The following PCDHA3 variants were observed in gnomAD, a reference collection of about 807,000 sequenced individuals.
The protein encoded by PCDHA3 is protocadherin alpha-3.
Under a neutral mutation model 62.2 loss-of-function variants are expected in PCDHA3, and 41 were observed. The ratio of observed to expected loss-of-function variants is 0.66; its 90% CI spans 0.51 to 0.86. The LOEUF is 0.86. PCDHA3 is among the 40% of genes least tolerant of loss of function. The probability of loss-of-function intolerance (pLI) is 0.00; values close to 1 mark genes in which losing one functional copy is unlikely to be tolerated. For missense variants in PCDHA3, 1,304 were observed against 1,241.2 expected (o/e 1.05, Z -0.76); for synonymous variants, 640 against 555.4 (o/e 1.15, Z -2.14).
chr5:140,910,976 A>G (rs1265082758), intron 1 of PCDHA3, among the ~76,000 whole-genome samples: 1 of 152,058 alleles, frequency 6.6e-6, no homozygotes, highest in Non-Finnish European at 1.5e-5. Context: ...CTCATGGGTT[A>G]TACTCTGAAC....
rs2150160577 is a variant in PCDHA3, at chr5:140,828,908, G to A, written c.2394+25317G>A. On this transcript the variant is annotated intron_variant, in intron 1 of 3. Coordinates refer to ENST00000522353, the MANE Select transcript of PCDHA3 (RefSeq NM_018906.3). Reference sequence around the variant, plus strand: ...GAATGCTTCTGATCGGGATGAAGGAGCGAATGGGGCAATTTCATATTCTTT... The same window carrying A: ...GAATGCTTCTGATCGGGATGAAGGAACGAATGGGGCAATTTCATATTCTTT... The A allele has an allele frequency of 4.2e-5, 67 of 1,614,134 alleles. 1 individual carries two copies. The South Asian group carries it at 6.7e-4, about 16-fold the overall frequency.
intron 1 of PCDHA3, among the ~76,000 whole-genome samples, chr5:140,964,846 C>G (rs1292135709): frequency 2.0e-5 from 3 of 152,180 alleles, no homozygotes; most frequent in Non-Finnish European, 2.9e-5. Context: ...TACTCTGTAC[C>G]CTTGAGGAAA....
chr5:140,969,642 A>G (rs2096350693), intron 1 of PCDHA3: 1 of 206,874 alleles, frequency 4.8e-6, no homozygotes, highest in African/African-American at 2.4e-5. Context: ...GCCTTGGAAT[A>G]GGGATTATGT....
At chr5:140,855,952 A>AT in intron 1 of PCDHA3, 1 of 1,380,786 alleles carries the variant, frequency 7.2e-7, no homozygotes, top group South Asian at 1.4e-5. Flanking sequence ...AGCCATTTCG[A>AT]TAAAAAATAG....
At chr5:141,000,643 G>A (rs2097954450) in intron 3 of PCDHA3, among the ~76,000 whole-genome samples, 1 of 151,102 alleles carries the variant, frequency 6.6e-6, no homozygotes, top group Non-Finnish European at 1.5e-5. Context: ...GGGCAGGCTG[G>A]TCTCGAACTC....
At chr5:140,813,586 T>C (rs191495535) in intron 1 of PCDHA3, 62 of 152,362 alleles carry the variant, frequency 4.1e-4, no homozygotes, top group African/African-American at 1.1e-3. Flanking sequence ...TGGAAATTTA[T>C]CTGCATGAGT....
chr5:140,851,715 G>C, intron 1 of PCDHA3: 1 of 964,012 alleles, frequency 1.0e-6, no homozygotes, highest in Non-Finnish European at 1.3e-6. Context: ...GTGAAGATTC[G>C]AAACTTCGAG....
Position 140,982,534 on chromosome 5 carries a change from A to G in PCDHA3, c.2513A>G (p.Gln838Arg), listed in dbSNP as rs1554244431. Residue 838 changes from glutamine (Q) to arginine (R), a missense_variant, in exon 3 of 4, where the codon CAG becomes CGG. By Grantham distance (43) the Gln-to-Arg change is conservative. Transcript: ENST00000522353. ...GCTGGTCCAGGAGGGCCTGATCAGC[A>G]GTGGCCAACAGTATCCAGTGCAACA... ...LRAGPGGPDQ[Q>R]WPTVSSATPE... 1 of 1,614,222 alleles carries G rather than the reference A, an allele frequency of 6.2e-7. No homozygotes were observed. Among genetic ancestry groups the G allele is most frequent in the Non-Finnish European group, 8.5e-7 (1 of 1,180,036 alleles).
At position 140,876,890 on chromosome 5, in the gene PCDHA3, A is replaced by G. The variant is rs373414098; in HGVS notation, c.2394+73299A>G. On this transcript the variant is annotated intron_variant, in intron 1 of 3. Coordinates refer to ENST00000522353, the MANE Select transcript of PCDHA3 (RefSeq NM_018906.3). ...AAGGAGAACAACCCGCCGGGCTGCC[A>G]CATCTTCACGGTGTCGGCATGGGAC... The G allele has an allele frequency of 4.0e-5, 65 of 1,613,968 alleles. No individual in the cohort carries two copies. In the African/African-American group the frequency reaches 8.1e-4, roughly 20 times the overall value.
At chr5:140,864,854 A>T (rs1554159169) in intron 1 of PCDHA3, 1 of 152,178 alleles carries the variant, frequency 6.6e-6, no homozygotes, top group Non-Finnish European at 1.5e-5. Context: ...CCCATACATG[A>T]TGAAGGGTGA....
chr5:140,802,323 G>C lies in PCDHA3; in HGVS notation c.1126G>C (p.Asp376His). The C allele has an allele frequency of 1.9e-6, 3 of 1,614,220 alleles. No homozygotes were observed. Among genetic ancestry groups the C allele is most frequent in the Non-Finnish European group, 2.5e-6 (3 of 1,180,046 alleles). Residue 376 changes from aspartate to histidine, a missense_variant, in exon 1 of 4, where the codon GAC becomes CAC. By Grantham distance (81) the Asp-to-His change is moderately conservative. Transcript: ENST00000522353. The stretch of plus-strand genomic sequence containing the variant: ...AGTCATCGCTCTGATCAGCGTGTCC[G>C]ACCGCGACTCAGGAGTCAATGGACA... Reference protein sequence around the residue: ...STVIALISVSDRDSGVNGQVT... With the variant: ...STVIALISVSHRDSGVNGQVT...
At chr5:140,996,699 C>T (rs1462785057) in intron 3 of PCDHA3, among the ~76,000 whole-genome samples, 3 of 152,146 alleles carry the variant, frequency 2.0e-5, no homozygotes, top group Non-Finnish European at 2.9e-5. Flanking sequence ...TTCTGAACCT[C>T]TATCTCTTTG....
intron 1 of PCDHA3, among the ~76,000 whole-genome samples, chr5:140,922,915 A>G (rs1184691604): frequency 6.6e-6 from 1 of 152,224 alleles, no homozygotes; most frequent in Non-Finnish European, 1.5e-5. Context: ...ATACAAATAA[A>G]CTTCAGACTT....
At chr5:140,979,571 G>A (rs2096856939) in intron 2 of PCDHA3, among the ~76,000 whole-genome samples, 1 of 152,154 alleles carries the variant, frequency 6.6e-6, no homozygotes. Flanking sequence ...GCCATGTAAA[G>A]GGCTCCAAAT....
intron 1 of PCDHA3, chr5:140,869,908 CGAGACGAAG>C: frequency 6.2e-7 from 1 of 1,610,646 alleles, no homozygotes; most frequent in Non-Finnish European, 8.5e-7. Context: ...CGCCACAGAC[CGAGACGAAG>C]GAGTCAATGG....
In PCDHA3 at chr5:140,884,002, C is replaced by G. The variant is rs1189374158; in HGVS notation, c.2394+80411C>G. 26 of 1,612,788 alleles carry G rather than the reference C, an allele frequency of 1.6e-5. No individual in the cohort carries two copies. Among genetic ancestry groups the G allele is most frequent in the Non-Finnish European group, 2.2e-5 (26 of 1,179,570 alleles). Reference sequence around the variant, plus strand: ...CTGGCAGCGCGGGAGGCACAGTGAGCGAGCTGATGCCGCGGTCGGTGGGTG... The same window carrying G: ...CTGGCAGCGCGGGAGGCACAGTGAGGGAGCTGATGCCGCGGTCGGTGGGTG... On this transcript the variant is annotated intron_variant, in intron 1 of 3. Coordinates refer to ENST00000522353, the MANE Select transcript of PCDHA3 (RefSeq NM_018906.3).
intron 1 of PCDHA3, chr5:140,881,374 G>A: frequency 3.0e-6 from 3 of 984,938 alleles, no homozygotes; most frequent in Non-Finnish European, 3.6e-6. Flanking sequence ...ATGAATTGCA[G>A]CCGGCGGCGG....
Position 141,010,907 on chromosome 5 carries a change from C to G in PCDHA3, c.*970C>G, listed in dbSNP as rs2098418753. 6.5e-6 allele frequency: 1 copy of G among 153,766 alleles called. No individual in the cohort carries two copies. 9.5% of individuals were successfully genotyped at this position (153,766 alleles called of 1,614,324 possible). A position where few individuals can be genotyped will look rare whatever the true frequency, so the allele number is the denominator to read the frequency against. ...GAAATATGAATACAATTCCCCTAAACTCTCCTCAAAAGAGAATTCAGTCTA... is the reference window on the plus strand; with the variant it reads ...GAAATATGAATACAATTCCCCTAAAGTCTCCTCAAAAGAGAATTCAGTCTA... On this transcript the variant is annotated 3_prime_UTR_variant, in exon 4 of 4. Coordinates refer to ENST00000522353, the MANE Select transcript of PCDHA3 (RefSeq NM_018906.3).
chr5:140,954,290 G>T (rs2095014659), intron 1 of PCDHA3, among the ~76,000 whole-genome samples: 1 of 152,126 alleles, frequency 6.6e-6, no homozygotes, highest in Non-Finnish European at 1.5e-5. Flanking sequence ...ATTCCTTTGG[G>T]TACATACCCA....
Sources: allele counts gnomAD v4.1 joint callset (sites outside exome capture counted in the v4.1 genomes callset), GRCh38; gene constraint gnomAD v4.1.1; transcripts MANE v1.5; gene names NCBI Gene and HGNC (gene_info 2026-07-23, HGNC 2026-07-21).